SEMA6A: variants seen among roughly 807,000 people sequenced by gnomAD.
SEMA6A encodes semaphorin 6A.
Under a neutral mutation model 96.8 loss-of-function variants are expected in SEMA6A, and 25 were observed. That is an observed-to-expected ratio of 0.26 (90% CI 0.19 to 0.36). SEMA6A has a LOEUF of 0.36. Ranked by LOEUF, SEMA6A falls within the 10% of genes least tolerant of loss-of-function variation. The probability of loss-of-function intolerance (pLI) is 1.00; values close to 1 mark genes in which losing one functional copy is unlikely to be tolerated. For missense variants in SEMA6A, 1,363 were observed against 1,323.1 expected (o/e 1.03, Z -0.47); for synonymous variants, 612 against 518.0 (o/e 1.18, Z -2.46).
intron 10 of SEMA6A, among the ~76,000 whole-genome samples, chr5:116,486,231 G>A (rs1464121278): frequency 6.6e-6 from 1 of 152,142 alleles, no homozygotes; most frequent in Non-Finnish European, 1.5e-5. Flanking sequence ...TCACCCTGTA[G>A]CAATTTAATA....
intron 1 of SEMA6A, among the ~76,000 whole-genome samples, chr5:116,524,312 T>C (rs981871583): frequency 6.6e-6 from 1 of 152,188 alleles, no homozygotes; most frequent in African/African-American, 2.4e-5. Flanking sequence ...AATATAAATT[T>C]TGATTACTGA....
At chr5:116,507,780 T>C (rs601770) in intron 1 of SEMA6A, among the ~76,000 whole-genome samples, 1 of 152,206 alleles carries the variant, frequency 6.6e-6, no homozygotes, top group African/African-American at 2.4e-5. Flanking sequence ...GTAAGCCTAT[T>C]ATATCTGAAT....
At chr5:116,562,346 T>A (rs73256760) in intron 1 of SEMA6A, among the ~76,000 whole-genome samples, 2,391 of 152,348 alleles carry the variant, frequency 0.016, 58 homozygotes, top group African/African-American at 0.054. Context: ...TACAAAATAA[T>A]TGTTCACAGA....
At chr5:116,465,124 C>A (rs1043789108) in intron 18 of SEMA6A, among the ~76,000 whole-genome samples, 2 of 152,198 alleles carry the variant, frequency 1.3e-5, no homozygotes, top group East Asian at 3.9e-4. Context: ...TCTTGCATCC[C>A]GGGAGATGCT....
At chr5:116,557,334 C>T (rs1269703328) in intron 1 of SEMA6A, among the ~76,000 whole-genome samples, 1 of 152,240 alleles carries the variant, frequency 6.6e-6, no homozygotes, top group Non-Finnish European at 1.5e-5. Flanking sequence ...GCCTCAGTCT[C>T]CCAAGTAGCT....
chr5:116,453,258 T>G (rs1267634955), intron 18 of SEMA6A, among the ~76,000 whole-genome samples: 2 of 152,226 alleles, frequency 1.3e-5, no homozygotes, highest in African/African-American at 4.8e-5. Context: ...ATGTCCCTAC[T>G]CATTTTCCCA....
rs149932308 is a variant in SEMA6A, at chr5:116,520,623, A to G, written c.-38-15641T>C. Among the ~76,000 whole-genome samples, 162 of 152,328 alleles carry G rather than the reference A, an allele frequency of 1.1e-3. 1 individual carries two copies. Among genetic ancestry groups the G allele is most frequent in the East Asian group, 6.8e-3 (35 of 5,180 alleles). On this transcript the variant is annotated intron_variant, in intron 1 of 18. Coordinates refer to ENST00000343348, the MANE Select transcript of SEMA6A (RefSeq NM_020796.5). ...GGGTAGACCTAAGATCAATGGGTAG[A>G]AACTATAAAGATGATTTCTGCTCAA... is the stretch of plus-strand genomic sequence containing the variant.
At chr5:116,460,818 C>G (rs371705373) in intron 18 of SEMA6A, among the ~76,000 whole-genome samples, 16 of 145,558 alleles carry the variant, frequency 1.1e-4, no homozygotes, top group African/African-American at 4.1e-4. Flanking sequence ...CAAAGTCTCC[C>G]TCTGTCACCC....
intron 17 of SEMA6A, 69 bp from the exon 18 acceptor site, chr5:116,467,816 C>A: frequency 6.5e-7 from 1 of 1,529,974 alleles, no homozygotes; most frequent in Non-Finnish European, 8.9e-7. Flanking sequence ...GCGCAGAGGC[C>A]TGGAGGTGGG....
rs1561489936 is a variant in SEMA6A, at chr5:116,486,802, A to C, written c.909T>G (p.Ile303Met). 1 of 1,613,882 alleles carries C rather than the reference A, an allele frequency of 6.2e-7. No homozygotes were observed. The change falls in exon 10 of 19, where the codon ATT becomes ATG. Residue 303 changes from isoleucine to methionine, a missense_variant. Physicochemically the swap from Ile to Met is conservative, Grantham distance 10. This residue lies in a region of SEMA6A where 480 missense variants were observed against 559.5 expected (regional missense o/e 0.86). Transcript: ENST00000343348. ...FNILQAVTDV[I>M]RINGRDVVLA... is the part of the protein sequence containing the mutation. ...GGACAACATCACGCCCGTTGATACG[A>C]ATCACATCTGTAACTGCCTGGAGAA...
At chr5:116,488,778 G>A in intron 8 of SEMA6A, 110 bp downstream of exon 8, 1 of 1,281,914 alleles carries the variant, frequency 7.8e-7, no homozygotes, top group Middle Eastern at 2.0e-4. Flanking sequence ...CTGTCTGTCA[G>A]AAGCCATTAC....
chr5:116,553,059 C>T (rs144465683), intron 1 of SEMA6A, among the ~76,000 whole-genome samples: 1 of 152,228 alleles, frequency 6.6e-6, no homozygotes, highest in East Asian at 1.9e-4. Flanking sequence ...AAGCAAACCG[C>T]TTAGAAAACT....
chr5:116,454,647 T>G (rs1175548827), intron 18 of SEMA6A, among the ~76,000 whole-genome samples: 1 of 152,164 alleles, frequency 6.6e-6, no homozygotes, highest in Non-Finnish European at 1.5e-5. Context: ...AAATGGGAAC[T>G]CTCTGTGGTT....
At chr5:116,571,734 G>T (rs749045167) in intron 1 of SEMA6A, among the ~76,000 whole-genome samples, 2 of 152,164 alleles carry the variant, frequency 1.3e-5, no homozygotes, top group Non-Finnish European at 2.9e-5. Context: ...TTAAGGTTAG[G>T]TTAATAATTA....
intron 16 of SEMA6A, among the ~76,000 whole-genome samples, chr5:116,473,729 T>C (rs1342132218): frequency 6.6e-6 from 1 of 152,164 alleles, no homozygotes; most frequent in Non-Finnish European, 1.5e-5. Context: ...ATAATGATTG[T>C]ACCAGTTAGA....
intron 1 of SEMA6A, among the ~76,000 whole-genome samples, chr5:116,515,523 A>G (rs1758627933): frequency 6.6e-6 from 1 of 152,212 alleles, no homozygotes; most frequent in South Asian, 2.1e-4. Context: ...TTTCCTAGCC[A>G]GTAAAAAGAT....
intron 16 of SEMA6A, among the ~76,000 whole-genome samples, chr5:116,474,932 T>C (rs1756373702): frequency 6.6e-6 from 1 of 152,200 alleles, no homozygotes; most frequent in Admixed American, 6.5e-5. Context: ...AGCCAGATCC[T>C]TTACGTAAAG....
At chr5:116,548,243 A>G (rs982245743) in intron 1 of SEMA6A, among the ~76,000 whole-genome samples, 1 of 151,826 alleles carries the variant, frequency 6.6e-6, no homozygotes, top group African/African-American at 2.4e-5. Flanking sequence ...AGGGAAGGCT[A>G]TCACACTCTC....
Position 116,480,118 on chromosome 5 carries a change from C to A in SEMA6A, c.1250+4G>T. ...CATCAGGACACGGTTTGTTTGACAC[C>A]CACCTGACCATTGTTCTCAGGAACC... On this transcript the variant is annotated splice_donor_region_variant and intron_variant, in intron 12 of 18. Transcript: ENST00000343348. 2 of 1,613,372 alleles carry A rather than the reference C, an allele frequency of 1.2e-6. No individual in the cohort carries two copies. Among genetic ancestry groups the A allele is most frequent in the Non-Finnish European group, 1.7e-6 (2 of 1,179,626 alleles).
Sources: allele counts gnomAD v4.1 joint callset (sites outside exome capture counted in the v4.1 genomes callset), GRCh38; gene constraint gnomAD v4.1.1; regional missense constraint gnomAD v4.1.1; transcripts MANE v1.5; gene names NCBI Gene and HGNC (gene_info 2026-07-23, HGNC 2026-07-21).